The following FREM1 variants were observed in gnomAD, a reference collection of about 807,000 sequenced individuals.
FREM1 encodes FRAS1-related extracellular matrix protein 1.
FREM1 carries 220 observed loss-of-function variants against 210.1 expected under a neutral mutation model. The observed-to-expected ratio is 1.05, with a 90% confidence interval of 0.94 to 1.17. FREM1 has a LOEUF of 1.17. Ranked by LOEUF, FREM1 falls within the 50% of genes most tolerant of loss-of-function variation. FREM1 has a pLI of 0.00. For missense variants in FREM1, 3,454 were observed against 2,675.5 expected, an observed-to-expected ratio of 1.29 and a Z score of -6.42; for synonymous variants, 1,189 against 980.2, an observed-to-expected ratio of 1.21 and a Z score of -3.98.
Position 14,747,303 on chromosome 9 carries a change from A to G in FREM1, c.5970T>C (p.Asp1990=), listed in dbSNP as rs1842644389. 1 of 1,613,490 alleles carries G rather than the reference A, an allele frequency of 6.2e-7. No individual in the cohort carries two copies. The change falls in exon 33 of 37, where the codon GAT becomes GAC. Residue 1990 remains aspartate (D), a synonymous_variant. Transcript: ENST00000380880. ...TIKVAELPQA[D]KVESTTDSHF... is the part of the protein sequence containing the mutation. ...GTGAGTCAGTTGTGGATTCCACCTT[A>G]TCTGCTTGAGGCAGTTCTGCCACTT...
At chr9:14,899,759 G>A (rs1029145868) in intron 1 of FREM1, among the ~76,000 whole-genome samples, 4 of 152,172 alleles carry the variant, frequency 2.6e-5, no homozygotes, top group South Asian at 2.1e-4. Flanking sequence ...TACTGTAGGC[G>A]CAATATCCAG....
intron 14 of FREM1, 39 bp downstream of exon 14, chr9:14,819,194 AC>A (rs1186660674): frequency 4.9e-6 from 7 of 1,442,246 alleles, no homozygotes; most frequent in Non-Finnish European, 5.7e-6. Flanking sequence ...TAGATAAGAA[AC>A]TAAAGCATGT....
At chr9:14,896,711 AAAC>A (rs931978971) in intron 1 of FREM1, among the ~76,000 whole-genome samples, 1 of 152,138 alleles carries the variant, frequency 6.6e-6, no homozygotes. Flanking sequence ...CTTTGGCTTA[AAAC>A]AACAACAACA....
intron 26 of FREM1, 22 bp from the exon 27 acceptor site, chr9:14,769,890 T>C (rs757253264): frequency 3.3e-5 from 40 of 1,207,862 alleles, no homozygotes; most frequent in Non-Finnish European, 4.6e-5. Context: ...AATAAATGAA[T>C]ATCATGGGTA....
chr9:14,874,971 T>C (rs1484817017), intron 1 of FREM1, among the ~76,000 whole-genome samples: 1 of 152,228 alleles, frequency 6.6e-6, no homozygotes, highest in African/African-American at 2.4e-5. Flanking sequence ...AAAATTCTTT[T>C]CTTTAAGAAT....
intron 10 of FREM1, among the ~76,000 whole-genome samples, chr9:14,840,935 T>C (rs1224831085): frequency 6.6e-6 from 1 of 152,226 alleles, no homozygotes; most frequent in Non-Finnish European, 1.5e-5. Context: ...AAATAATAGC[T>C]AATGTATTTA....
At position 14,801,836 on chromosome 9, in the gene FREM1, G is replaced by A. The variant is rs989744495; in HGVS notation, c.3510C>T (p.Ile1170=). Residue 1170 remains isoleucine, a synonymous_variant, in exon 20 of 37, where the codon ATC becomes ATT. Transcript: ENST00000380880. The part of the protein sequence containing the change: ...EGQMKELDSS[I]ISAVDLDIPQ... ...GAATGTCCAGGTCCACAGCGCTGAT[G>A]ATGGAAGAGTCCAGCTCTTTCATCT... 6.8e-6 allele frequency: 11 copies of A among 1,613,862 alleles called. No individual in the cohort carries two copies. Among genetic ancestry groups the A allele is most frequent in the South Asian group, 2.2e-5 (2 of 91,068 alleles).
chr9:14,762,477 C>A (rs1405575589), intron 27 of FREM1, among the ~76,000 whole-genome samples: 2 of 152,138 alleles, frequency 1.3e-5, no homozygotes, highest in Non-Finnish European at 2.9e-5. Flanking sequence ...GGGAACCATT[C>A]AGAGGGCTGT....
rs1482443770 is a variant in FREM1, at chr9:14,756,405, C to T, written c.5376G>A (p.Val1792=). The T allele has an allele frequency of 6.2e-7, 1 of 1,602,220 alleles. No homozygotes were observed. Reference sequence around the variant, plus strand: ...CAAACTGAATCAGTTTAGATGGAATCACGGTGAAATCTTTTCCAACTGCAG... The same window carrying T: ...CAAACTGAATCAGTTTAGATGGAATTACGGTGAAATCTTTTCCAACTGCAG... ...VSAAVGKDFT[V]IPSKLIQFDP... The change falls in exon 29 of 37, where the codon GTG becomes GTA. Residue 1792 remains valine, a synonymous_variant. Coordinates refer to ENST00000380880, the MANE Select transcript of FREM1 (RefSeq NM_001379081.2).
chr9:14,773,429 TG>T lies in FREM1; in HGVS notation c.4857+2359del, dbSNP rs1847951657. Reference sequence around the variant, plus strand: ...ACTCAACGGTGATCAACATCCATATTGTCTTGGCAGAAAAAGCTCTTGAAGG... The same window carrying T: ...ACTCAACGGTGATCAACATCCATATTTCTTGGCAGAAAAAGCTCTTGAAGG... On this transcript the variant is annotated intron_variant, in intron 25 of 36. Transcript: ENST00000380880. 3.3e-5 allele frequency among the ~76,000 whole-genome samples: 5 copies of T among 152,292 alleles called. No homozygotes were observed. In the South Asian group the frequency reaches 8.3e-4, roughly 25 times the overall value.
intron 34 of FREM1, 129 bp from the exon 35 acceptor site, chr9:14,746,597 A>C (rs929528935): frequency 7.2e-6 from 5 of 698,978 alleles, no homozygotes; most frequent in African/African-American, 5.3e-5. Flanking sequence ...AGTCAGCCCT[A>C]ATCCCAATTC....
intron 1 of FREM1, among the ~76,000 whole-genome samples, chr9:14,909,665 T>G (rs1818401571): frequency 6.6e-6 from 1 of 152,234 alleles, no homozygotes; most frequent in Non-Finnish European, 1.5e-5. Flanking sequence ...CCAGCACGGA[T>G]GGACTGAGAA....
intron 29 of FREM1, among the ~76,000 whole-genome samples, chr9:14,752,676 G>A (rs1168867251): frequency 1.3e-5 from 2 of 151,874 alleles, no homozygotes; most frequent in East Asian, 1.9e-4. Context: ...GATAAGAGGT[G>A]GTCAATGAAG....
chr9:14,738,109 G>GA (rs1198795793), intron 36 of FREM1, among the ~76,000 whole-genome samples: 1 of 152,140 alleles, frequency 6.6e-6, no homozygotes, highest in Non-Finnish European at 1.5e-5. Flanking sequence ...TGGAGCTTAA[G>GA]ATGTTTCAAT....
intron 21 of FREM1, among the ~76,000 whole-genome samples, chr9:14,795,602 G>A (rs910271757): frequency 5.3e-5 from 8 of 152,192 alleles, no homozygotes; most frequent in Non-Finnish European, 8.8e-5. Context: ...TTGAAGCAGG[G>A]TTGAAGGAGG....
Position 14,868,911 on chromosome 9 carries a change from G to C in FREM1, c.67C>G (p.Pro23Ala). The change falls in exon 2 of 37, where the codon CCC becomes GCC. Residue 23 changes from proline to alanine, a missense_variant. Physicochemically the swap from Pro to Ala is conservative, Grantham distance 27. Coordinates refer to ENST00000380880, the MANE Select transcript of FREM1 (RefSeq NM_001379081.2). ...CCGCGGTTGATGCTGATGAAGGTGG[G>C]GCTGGCCCAGGCCAGGAGGAGCAGC... ...LLLLLLAWASPTFISINRGVR... is the reference protein window; with the variant it reads ...LLLLLLAWASATFISINRGVR... 1 of 1,604,924 alleles carries C rather than the reference G, an allele frequency of 6.2e-7. No individual in the cohort carries two copies. Among genetic ancestry groups the C allele is most frequent in the Non-Finnish European group, 8.5e-7 (1 of 1,176,318 alleles).
At chr9:14,825,115 T>A (rs902545911) in intron 10 of FREM1, 123 bp from the exon 11 acceptor site, 2 of 631,142 alleles carry the variant, frequency 3.2e-6, no homozygotes, top group African/African-American at 3.8e-5. Flanking sequence ...TATACTTCTG[T>A]CAAATGATTC....
Position 14,801,739 on chromosome 9 carries a change from T to C in FREM1, c.3607A>G (p.Lys1203Glu). The change falls in exon 20 of 37, where the codon AAA becomes GAA. Residue 1203 changes from lysine (K) to glutamate (E), a missense_variant. By Grantham distance (56) the Lys-to-Glu change is moderately conservative. Coordinates refer to ENST00000380880, the MANE Select transcript of FREM1 (RefSeq NM_001379081.2). ...GGCTGCTTATTCTCAGAGAAGTCTT[T>C]GCTAAACCCCCTATCGATGAGGAGG... Reference protein sequence around the residue: ...HGLLIDRGFSKDFSENKQPAN... With the variant: ...HGLLIDRGFSEDFSENKQPAN... The C allele has an allele frequency of 1.9e-6, 3 of 1,613,988 alleles. No individual in the cohort carries two copies. The highest frequency in any genetic ancestry group is 2.5e-6 in the Non-Finnish European group (3 of 1,179,876).
chr9:14,906,977 A>G (rs1437302867), intron 1 of FREM1, among the ~76,000 whole-genome samples: 2 of 152,242 alleles, frequency 1.3e-5, no homozygotes, highest in Non-Finnish European at 2.9e-5. Context: ...ATGATGCACA[A>G]AAAGAGCATT....
Sources: gnomAD v4.1 joint callset for allele counts (sites outside exome capture counted in the v4.1 genomes callset) on GRCh38, gnomAD v4.1.1 for gene constraint, MANE v1.5 for transcripts, NCBI Gene and HGNC (gene_info 2026-07-23, HGNC 2026-07-21) for gene names.